Variants in COG5 observed in about 807,000 individuals in gnomAD.
COG5 encodes component of oligomeric golgi complex 5.
COG5 carries 86 observed loss-of-function variants against 110.4 expected under a neutral mutation model. That is an observed-to-expected ratio of 0.78 (90% CI 0.65 to 0.93). COG5 has a LOEUF of 0.93. Ranked by LOEUF, COG5 falls within the 40% of genes least tolerant of loss-of-function variation. The pLI is 0.00. For missense variants in COG5, 1,077 were observed against 987.0 expected (o/e 1.09, Z -1.22); for synonymous variants, 360 against 334.6 (o/e 1.08, Z -0.83).
intron 19 of COG5, among the ~76,000 whole-genome samples, chr7:107,213,590 G>T (rs1799320912): frequency 1.3e-5 from 2 of 152,176 alleles, no homozygotes; most frequent in Admixed American, 1.3e-4. Flanking sequence ...AGCTCCGCCT[G>T]ATTGCAGTGG....
chr7:107,346,513 A>T (rs868814742), intron 10 of COG5, among the ~76,000 whole-genome samples: 2 of 152,268 alleles, frequency 1.3e-5, no homozygotes, highest in East Asian at 3.9e-4. Flanking sequence ...ACTTTTCTCT[A>T]TGGGTCATAC....
At chr7:107,255,916 G>A (rs1802846358) in intron 16 of COG5, among the ~76,000 whole-genome samples, 1 of 152,150 alleles carries the variant, frequency 6.6e-6, no homozygotes, top group African/African-American at 2.4e-5. Context: ...ACTCTTCAGA[G>A]TTAATGAGGT....
intron 6 of COG5, among the ~76,000 whole-genome samples, chr7:107,519,672 A>G (rs1800186935): frequency 6.6e-6 from 1 of 152,180 alleles, no homozygotes; most frequent in African/African-American, 2.4e-5. Context: ...CAGCCAAAAA[A>G]GCCCAGGACC....
rs780493978 is a variant in COG5 at position 107,474,305 on chromosome 7, T to C, written c.538+52932A>G. 1 of 1,607,754 alleles carries C rather than the reference T, an allele frequency of 6.2e-7. No individual in the cohort carries two copies. Among genetic ancestry groups the C allele is most frequent in the Non-Finnish European group, 8.5e-7 (1 of 1,174,344 alleles). On this transcript the variant is annotated intron_variant, in intron 6 of 21. Transcript: ENST00000297135. This position sits in a 1 kb window ranked among gnomAD's most constrained non-coding sequence, Gnocchi z 5.7. ...AACTCTGTCAGTAACATTATTACAA[T>C]GAATCTTCATGTACTTGATGTAATA...
At chr7:107,479,998 T>C (rs1797236734) in intron 6 of COG5, among the ~76,000 whole-genome samples, 2 of 152,146 alleles carry the variant, frequency 1.3e-5, no homozygotes, top group Non-Finnish European at 2.9e-5. Flanking sequence ...CAACTCTTTA[T>C]AAACATATCG....
chr7:107,210,729 GGAAGTGTGAAGGGGGCATA>G, intron 20 of COG5, 124 bp from the exon 21 acceptor site: 1 of 1,115,048 alleles, frequency 9.0e-7, no homozygotes, highest in Non-Finnish European at 1.3e-6. Flanking sequence ...CCTGTCCAAG[GGAAGTGTGAAGGGGGCATA>G]GGCCTTGGTG....
At chr7:107,541,891 C>A (rs1395386462) in intron 5 of COG5, among the ~76,000 whole-genome samples, 1 of 150,120 alleles carries the variant, frequency 6.7e-6, no homozygotes, top group African/African-American at 2.5e-5. Flanking sequence ...GATGGTGCCA[C>A]TGCACTCCAG....
chr7:107,229,216 C>A (rs963980577), intron 19 of COG5, among the ~76,000 whole-genome samples: 1 of 151,986 alleles, frequency 6.6e-6, no homozygotes, highest in Non-Finnish European at 1.5e-5. Context: ...TTTGGGAGGC[C>A]GAGGCAGGCA....
At chr7:107,204,027 A>G (rs992632075) in intron 21 of COG5, among the ~76,000 whole-genome samples, 5 of 152,234 alleles carry the variant, frequency 3.3e-5, no homozygotes, top group Non-Finnish European at 7.3e-5. Context: ...GGCACGCTCA[A>G]GAGTACAAGG....
chr7:107,527,662 T>C (rs551987489), intron 5 of COG5, among the ~76,000 whole-genome samples: 22 of 152,326 alleles, frequency 1.4e-4, no homozygotes, highest in Admixed American at 1.0e-3. Context: ...TCAAATGTCC[T>C]AGGGAACACA....
At chr7:107,553,041 A>G (rs985679946) in intron 3 of COG5, among the ~76,000 whole-genome samples, 1 of 152,208 alleles carries the variant, frequency 6.6e-6, no homozygotes, top group African/African-American at 2.4e-5. Flanking sequence ...AGTCTCACTT[A>G]TAAGTGGGAG....
At chr7:107,390,534 A>C (rs574774456) in intron 7 of COG5, among the ~76,000 whole-genome samples, 2 of 152,142 alleles carry the variant, frequency 1.3e-5, no homozygotes, top group East Asian at 1.9e-4. Flanking sequence ...AGGTGAAACA[A>C]CACCTCTGGG....
chr7:107,382,424 T>G (rs1176798794), intron 7 of COG5, among the ~76,000 whole-genome samples: 1 of 152,088 alleles, frequency 6.6e-6, no homozygotes, highest in Non-Finnish European at 1.5e-5. Context: ...AAAACTGAAG[T>G]CTGTTTTTCT....
intron 3 of COG5, among the ~76,000 whole-genome samples, chr7:107,551,947 T>G (rs1336488907): frequency 3.3e-5 from 5 of 152,188 alleles, no homozygotes; most frequent in Non-Finnish European, 7.3e-5. Context: ...TCAAATAATC[T>G]AGTGAATATC....
chr7:107,379,008 G>C (rs1346400596), intron 7 of COG5, among the ~76,000 whole-genome samples: 6 of 152,148 alleles, frequency 3.9e-5, no homozygotes, highest in East Asian at 1.9e-4. Flanking sequence ...AAAATATTAA[G>C]GGCAGCCAGA....
chr7:107,275,235 T>C (rs1010610091), intron 14 of COG5, among the ~76,000 whole-genome samples: 2 of 151,618 alleles, frequency 1.3e-5, no homozygotes, highest in Admixed American at 1.3e-4. Flanking sequence ...GGGAGGTTGC[T>C]TGAGGCCAAG....
intron 12 of COG5, among the ~76,000 whole-genome samples, chr7:107,295,491 T>A (rs1806665711): frequency 6.6e-6 from 1 of 152,138 alleles, no homozygotes; most frequent in East Asian, 1.9e-4. Context: ...TATTCATGTT[T>A]TGATTCTGTT....
intron 6 of COG5, among the ~76,000 whole-genome samples, chr7:107,435,914 G>A (rs1179637773): frequency 6.6e-6 from 1 of 152,094 alleles, no homozygotes; most frequent in East Asian, 1.9e-4. Flanking sequence ...GATGAATGAA[G>A]GATAAAGAAA....
chr7:107,249,981 G>C (rs552432097), intron 16 of COG5, among the ~76,000 whole-genome samples: 3 of 152,234 alleles, frequency 2.0e-5, no homozygotes, highest in African/African-American at 7.2e-5. Flanking sequence ...GGAAGAGACA[G>C]AGGCAGCAAG....
Sources: allele counts gnomAD v4.1 joint callset (sites outside exome capture counted in the v4.1 genomes callset), GRCh38; gene constraint gnomAD v4.1.1; non-coding constraint Gnocchi (gnomAD v3.1); transcripts MANE v1.5; gene names NCBI Gene and HGNC (gene_info 2026-07-23, HGNC 2026-07-21).